Variants in PDZD2 observed in about 807,000 individuals in gnomAD.
The protein encoded by PDZD2 is PDZ domain-containing protein 2.
A neutral mutation model predicts 220.7 loss-of-function variants in PDZD2; 90 were observed. The observed-to-expected ratio is 0.41, with a 90% CI of 0.34 to 0.49. The LOEUF (loss-of-function observed/expected upper bound fraction) is 0.49. Among genes scored for constraint, PDZD2 ranks in the 20% least tolerant of loss-of-function variants. PDZD2 has a pLI of 0.28. For missense variants in PDZD2, 3,174 were observed against 3,608.5 expected (o/e 0.88, Z 3.08); for synonymous variants, 1,375 against 1,450.5 (o/e 0.95, Z 1.18).
rs898617214 is a variant in PDZD2 at position 32,088,436 on chromosome 5, C to T, written c.4988C>T (p.Ser1663Phe). Residue 1663 changes from serine to phenylalanine, a missense_variant, in exon 20 of 25, where the codon TCC becomes TTC. Transcript: ENST00000438447. This position sits in a 1 kb window ranked among gnomAD's most constrained non-coding sequence, Gnocchi z 4.6. ...TCATACACTTCAGGCCCAGACTCTT[C>T]CCAGCCATCATCACTCTTGGAGATG... Reference protein sequence around the residue: ...PGSYTSGPDSSQPSSLLEMSS... With the variant: ...PGSYTSGPDSFQPSSLLEMSS... The T allele has an allele frequency of 8.7e-6, 14 of 1,614,072 alleles. No individual in the cohort carries two copies. Among genetic ancestry groups the T allele is most frequent in the Non-Finnish European group, 1.1e-5 (13 of 1,179,976 alleles).
intron 2 of PDZD2, among the ~76,000 whole-genome samples, chr5:31,811,475 T>G (rs947987231): frequency 5.9e-5 from 9 of 152,200 alleles, no homozygotes; most frequent in African/African-American, 1.9e-4. Flanking sequence ...TCTCTTTGAC[T>G]TAAATTTAGC....
At chr5:31,909,662 A>G (rs1742999261) in intron 2 of PDZD2, among the ~76,000 whole-genome samples, 3 of 152,240 alleles carry the variant, frequency 2.0e-5, no homozygotes, top group Admixed American at 2.0e-4. Flanking sequence ...ATACAGTGAT[A>G]TACATGAAAT....
At position 32,098,974 on chromosome 5, in the gene PDZD2, C is replaced by T. The variant is rs1743996751; in HGVS notation, c.8218+340C>T. Reference sequence around the variant, plus strand: ...GAAAACAGGAAACTACGTGACGGGGCGAGCAGTGTTGAAGGAGAAATTCCA... The same window carrying T: ...GAAAACAGGAAACTACGTGACGGGGTGAGCAGTGTTGAAGGAGAAATTCCA... On this transcript the variant is annotated intron_variant, in intron 23 of 24. Transcript: ENST00000438447. The surrounding 1 kb of genome is among the most constrained non-coding windows in gnomAD (Gnocchi z 4.1). Among the ~76,000 whole-genome samples the T allele has an allele frequency of 1.3e-5, 2 of 152,146 alleles. No homozygotes were observed. Among genetic ancestry groups the T allele is most frequent in the Non-Finnish European group, 2.9e-5 (2 of 68,036 alleles).
At chr5:31,913,738 C>G (rs569137751) in intron 2 of PDZD2, among the ~76,000 whole-genome samples, 26 of 152,262 alleles carry the variant, frequency 1.7e-4, no homozygotes, top group African/African-American at 6.3e-4. Flanking sequence ...TTCTTTAACA[C>G]CATTGTTCAC....
intron 8 of PDZD2, 176 bp from the exon 9 acceptor site, chr5:32,052,435 G>A (rs886465348): frequency 2.8e-5 from 16 of 564,338 alleles, no homozygotes; most frequent in East Asian, 1.3e-4. Flanking sequence ...CATGAGCCAC[G>A]GTGCCCAGCA....
At chr5:31,870,081 G>A (rs1024210418) in intron 2 of PDZD2, among the ~76,000 whole-genome samples, 1 of 152,200 alleles carries the variant, frequency 6.6e-6, no homozygotes, top group Admixed American at 6.5e-5. Context: ...CTGTGGGAGA[G>A]GCACCTGTTT....
chr5:32,002,339 C>A (rs1321832999), intron 5 of PDZD2, among the ~76,000 whole-genome samples: 1 of 152,020 alleles, frequency 6.6e-6, no homozygotes, highest in Non-Finnish European at 1.5e-5. Flanking sequence ...CCAAGGGACA[C>A]CTTGGGGTGT....
At chr5:32,080,372 T>TTG (rs1741809504) in intron 19 of PDZD2, among the ~76,000 whole-genome samples, 1 of 102,540 alleles carries the variant, frequency 9.8e-6, no homozygotes, top group African/African-American at 4.2e-5. Flanking sequence ...AAAAAAAAAG[T>TTG]GGGGGGTGAG....
At chr5:31,874,041 C>G (rs1033821806) in intron 2 of PDZD2, among the ~76,000 whole-genome samples, 2 of 152,120 alleles carry the variant, frequency 1.3e-5, no homozygotes, top group Admixed American at 1.3e-4. Flanking sequence ...GTCTTTGAGT[C>G]TTAATTGGGT....
chr5:31,701,049 C>A (rs1410970886), intron 1 of PDZD2, among the ~76,000 whole-genome samples: 9 of 152,190 alleles, frequency 5.9e-5, no homozygotes, highest in Non-Finnish European at 1.5e-5. Flanking sequence ...AGTGCTGGAG[C>A]CACTTGCCGT....
In PDZD2 at chr5:32,079,258, C is replaced by CAAA. The variant is rs35524007; in HGVS notation, c.3682+1660_3682+1662dup. 6.1e-3 allele frequency among the ~76,000 whole-genome samples: 484 copies of CAAA among 78,908 alleles called. 6 individuals are homozygous for CAAA. The highest frequency in any genetic ancestry group is 0.026 in the African/African-American group (443 of 16,954). The allele number at this position is 78,908 out of a possible 152,430, so 51.8% of individuals were successfully genotyped here. On this transcript the variant is annotated intron_variant, in intron 19 of 24. Coordinates refer to ENST00000438447, the MANE Select transcript of PDZD2 (RefSeq NM_178140.4). ...TGGGGGACAGAGTGAGACTCTGTCTCAAAAAAAAAACAAAAAAAAAACAAA... is the reference window on the plus strand; with the variant it reads ...TGGGGGACAGAGTGAGACTCTGTCTCAAAAAAAAAAAAACAAAAAAAAAACAAA...
At chr5:31,779,498 C>A (rs992881935) in intron 1 of PDZD2, among the ~76,000 whole-genome samples, 1 of 151,514 alleles carries the variant, frequency 6.6e-6, no homozygotes, top group African/African-American at 2.4e-5. Context: ...CTCAGCCTCC[C>A]GAGTAGCTGG....
intron 1 of PDZD2, among the ~76,000 whole-genome samples, chr5:31,654,253 C>G (rs1318965278): frequency 2.0e-5 from 3 of 152,156 alleles, no homozygotes; most frequent in Non-Finnish European, 4.4e-5. Flanking sequence ...ACACACAGGT[C>G]ATCCCTCCCT....
intron 2 of PDZD2, chr5:31,854,918 G>A (rs985854989): frequency 5.2e-6 from 5 of 958,164 alleles, no homozygotes. Context: ...AGGGAGGAGG[G>A]GGGGGTCCTC....
intron 2 of PDZD2, among the ~76,000 whole-genome samples, chr5:31,917,017 C>T (rs537388593): frequency 5.3e-5 from 8 of 152,270 alleles, no homozygotes; most frequent in Non-Finnish European, 1.0e-4. Flanking sequence ...GAGGGACAGG[C>T]ACTACCTCTT....
rs781370177 is a variant in PDZD2 at position 31,883,023 on chromosome 5, CAAA to C, written c.476+83322_476+83324del. 5.0e-4 allele frequency among the ~76,000 whole-genome samples: 24 copies of C among 47,956 alleles called. 1 individual carries two copies. Among genetic ancestry groups the C allele is most frequent in the Admixed American group, 4.0e-3 (11 of 2,768 alleles). The allele number at this position is 47,956 out of a possible 152,430, so 31.5% of individuals were successfully genotyped here. On this transcript the variant is annotated intron_variant, in intron 2 of 24. Transcript: ENST00000438447. ...CCATCCTGGGTGACAGACTCTGTCT[CAAA>C]AAAAAAAAAAAAAAAAAAAAAAGGC... is the stretch of plus-strand genomic sequence containing the variant.
At chr5:31,813,381 TG>T (rs2150245850) in intron 2 of PDZD2, among the ~76,000 whole-genome samples, 1 of 129,404 alleles carries the variant, frequency 7.7e-6, no homozygotes, top group Admixed American at 1.0e-4. Flanking sequence ...ACCCGGGAGG[TG>T]GAGCTTGCAG....
intron 1 of PDZD2, among the ~76,000 whole-genome samples, chr5:31,777,500 A>T (rs1179694820): frequency 1.2e-4 from 19 of 152,056 alleles, no homozygotes. Flanking sequence ...TGAGGGGTGC[A>T]GGTGCGTGGC....
chr5:31,880,791 C>CTTTTTCCTTTTTTTTTTTTTTTT (rs1739798959), intron 2 of PDZD2, among the ~76,000 whole-genome samples: 1 of 76,486 alleles, frequency 1.3e-5, no homozygotes, highest in Non-Finnish European at 2.4e-5. Context: ...TTTTTTTTTT[C>CTTTTTCCTTTTTTTTTTTTTTTT]TTTTTTTTTT....
Sources: gnomAD v4.1 joint callset for allele counts (sites outside exome capture counted in the v4.1 genomes callset) on GRCh38, gnomAD v4.1.1 for gene constraint, Gnocchi (gnomAD v3.1) non-coding constraint, MANE v1.5 for transcripts, NCBI Gene and HGNC (gene_info 2026-07-23, HGNC 2026-07-21) for gene names.